SARS1: variants seen among roughly 807,000 people sequenced by gnomAD.
SARS1 encodes the protein serine--tRNA ligase, cytoplasmic.
SARS1 carries 25 observed loss-of-function variants against 63.7 expected under a neutral mutation model. That is an observed-to-expected ratio of 0.39 (90% confidence interval 0.29 to 0.55). The LOEUF is 0.55. Ranked by LOEUF, SARS1 falls within the 20% of genes least tolerant of loss-of-function variation. SARS1 has a pLI of 0.62. For missense variants in SARS1, 417 were observed against 649.7 expected, an observed-to-expected ratio of 0.64 and a Z score of 3.89; for synonymous variants, 231 against 243.5, an observed-to-expected ratio of 0.95 and a Z score of 0.48.
chr1:109,232,392 C>T (rs778779732), intron 6 of SARS1, among the ~76,000 whole-genome samples: 6 of 152,210 alleles, frequency 3.9e-5, no homozygotes, highest in African/African-American at 7.2e-5. Context: ...ATTTCTAGAG[C>T]GTCTCTGCTA....
chr1:109,219,320 A>G (rs1654871502), intron 1 of SARS1, among the ~76,000 whole-genome samples: 1 of 74,940 alleles, frequency 1.3e-5, no homozygotes, highest in South Asian at 5.4e-4. Context: ...TATACACTAT[A>G]TATTTATATA....
At chr1:109,233,932 T>C (rs1655258727) in intron 6 of SARS1, among the ~76,000 whole-genome samples, 1 of 135,570 alleles carries the variant, frequency 7.4e-6, no homozygotes, top group South Asian at 2.5e-4. Flanking sequence ...TGAAGTGGCA[T>C]GATCTCGGCT....
In SARS1 at chr1:109,237,342, G is replaced by T. The variant is rs377309144; in HGVS notation, c.1356G>T (p.Val452=). The part of the protein sequence containing the change: ...ENYQTEKGIT[V]PEKLKEFMPP... ...ACCAGACAGAGAAGGGCATCACTGT[G>T]CCTGAGAAATTGAAGGAGTTCATGC... Residue 452 remains valine (V), a synonymous_variant, in exon 10 of 11, where the codon GTG becomes GTT. Coordinates refer to ENST00000234677, the MANE Select transcript of SARS1 (RefSeq NM_006513.4). This position sits in a 1 kb window ranked among gnomAD's most constrained non-coding sequence, Gnocchi z 4.1. The T allele has an allele frequency of 1.2e-6, 2 of 1,614,226 alleles. No individual in the cohort carries two copies. Among genetic ancestry groups the T allele is most frequent in the Non-Finnish European group, 1.7e-6 (2 of 1,180,040 alleles).
In SARS1 at chr1:109,237,975, A is replaced by G. The variant is rs1007678508; in HGVS notation, c.*87A>G. 6 of 1,465,318 alleles carry G rather than the reference A, an allele frequency of 4.1e-6. No homozygotes were observed. Among genetic ancestry groups the G allele is most frequent in the East Asian group, 4.8e-5 (2 of 41,462 alleles). 90.8% of individuals were successfully genotyped at this position (1,465,318 alleles called of 1,614,324 possible). On this transcript the variant is annotated 3_prime_UTR_variant, in exon 11 of 11. Transcript: ENST00000234677. The surrounding 1 kb of genome is among the most constrained non-coding windows in gnomAD (Gnocchi z 4.1). ...CCAACAGCAGGGAAGCCAAGCACCC[A>G]TTCATCCCCCTGCCCCCATCTGACT...
Position 109,237,409 on chromosome 1 carries a change from T to G in SARS1, c.1387+36T>G. ...CAGCTCATCTCATCGTTCTCCTCTTTTCTGTCTTCACACTCTTCTAAATAG... is the reference window on the plus strand; with the variant it reads ...CAGCTCATCTCATCGTTCTCCTCTTGTCTGTCTTCACACTCTTCTAAATAG... On this transcript the variant is annotated intron_variant, in intron 10 of 10. Transcript: ENST00000234677. This position sits in a 1 kb window ranked among gnomAD's most constrained non-coding sequence, Gnocchi z 4.1. 6.2e-7 allele frequency: 1 copy of G among 1,614,054 alleles called. No homozygotes were observed. The highest frequency in any genetic ancestry group is 8.5e-7 in the Non-Finnish European group (1 of 1,179,968).
In SARS1 at chr1:109,225,256, A is replaced by G. The variant is rs1655040674; in HGVS notation, c.207+1208A>G. ...CATAAAAAGATGACCTCGGGATTCT[A>G]GCACCTTACACTTAACTTCATGGCA... On this transcript the variant is annotated intron_variant, in intron 2 of 10. Transcript: ENST00000234677. Among the ~76,000 whole-genome samples the G allele has an allele frequency of 1.3e-5, 2 of 152,256 alleles. 1 individual carries two copies. Among genetic ancestry groups the G allele is most frequent in the South Asian group, 4.1e-4 (2 of 4,832 alleles).
chr1:109,233,646 A>G (rs539856346), intron 6 of SARS1, among the ~76,000 whole-genome samples: 2 of 151,862 alleles, frequency 1.3e-5, no homozygotes, highest in African/African-American at 2.4e-5. Flanking sequence ...TATAATTGCC[A>G]TGTACATAAA....
rs1204007581 is a variant in SARS1, at chr1:109,217,185, G to A, written c.136+3057G>A. ...ACAGATGCTCCTTGACTTAGGATGG[G>A]TTTATGTCCCAATAAATCCACCATA... is the stretch of plus-strand genomic sequence containing the variant. On this transcript the variant is annotated intron_variant, in intron 1 of 10. Transcript: ENST00000234677. The A allele has an allele frequency of 1.4e-5, 13 of 949,398 alleles. No homozygotes were observed. The East Asian group carries it at 7.0e-4, about 51-fold the overall frequency. The allele number at this position is 949,398 out of a possible 1,614,324, so 58.8% of individuals were successfully genotyped here.
In SARS1 at chr1:109,238,153, C is replaced by G. The variant is rs1278375170; in HGVS notation, c.*265C>G. Reference sequence around the variant, plus strand: ...CTCTTCCTCAGTCTTCTTCCCCGGGCTTGAACCCCGCCTCTGAGGTTCTCC... The same window carrying G: ...CTCTTCCTCAGTCTTCTTCCCCGGGGTTGAACCCCGCCTCTGAGGTTCTCC... On this transcript the variant is annotated 3_prime_UTR_variant, in exon 11 of 11. Coordinates refer to ENST00000234677, the MANE Select transcript of SARS1 (RefSeq NM_006513.4). 2.2e-5 allele frequency: 10 copies of G among 463,462 alleles called. No homozygotes were observed. Among genetic ancestry groups the G allele is most frequent in the African/African-American group, 9.6e-5 (5 of 52,000 alleles). The allele number at this position is 463,462 out of a possible 1,614,324, so 28.7% of individuals were successfully genotyped here. A position where few individuals can be genotyped will look rare whatever the true frequency, so the allele number is the denominator to read the frequency against.
intron 1 of SARS1, among the ~76,000 whole-genome samples, chr1:109,220,732 C>A (rs909423711): frequency 6.6e-6 from 1 of 151,932 alleles, no homozygotes; most frequent in Non-Finnish European, 1.5e-5. Context: ...ATTGACTTTT[C>A]TTCTGTGATT....
Position 109,237,634 on chromosome 1 carries a change from T to C in SARS1, c.1388-97T>C. On this transcript the variant is annotated intron_variant, in intron 10 of 10. Coordinates refer to ENST00000234677, the MANE Select transcript of SARS1 (RefSeq NM_006513.4). This position sits in a 1 kb window ranked among gnomAD's most constrained non-coding sequence, Gnocchi z 4.1. ...GTGCCTATCAAAGGGACCCCTCTGTTCAAAGGGATCATTGTCTTGTTGAAT... is the reference window on the plus strand; with the variant it reads ...GTGCCTATCAAAGGGACCCCTCTGTCCAAAGGGATCATTGTCTTGTTGAAT... 6 of 1,385,392 alleles carry C rather than the reference T, an allele frequency of 4.3e-6. No individual in the cohort carries two copies. The highest frequency in any genetic ancestry group is 6.0e-6 in the Non-Finnish European group (6 of 999,446). 85.8% of individuals were successfully genotyped at this position (1,385,392 alleles called of 1,614,324 possible).
chr1:109,223,923 G>A, intron 1 of SARS1, 55 bp from the exon 2 acceptor site: 1 of 1,286,690 alleles, frequency 7.8e-7, no homozygotes, highest in South Asian at 1.2e-5. Flanking sequence ...CAGGAGAAAG[G>A]AGTATCTTAA....
intron 1 of SARS1, chr1:109,216,215 T>G: frequency 1.0e-6 from 1 of 985,414 alleles, no homozygotes; most frequent in Non-Finnish European, 1.2e-6. Flanking sequence ...GAGCAAGGGC[T>G]TATAACCAGA....
rs773937466 is a variant in SARS1, at chr1:109,221,970, GTATATATATATATATATATATA to G, written c.137-1988_137-1967del. The stretch of plus-strand genomic sequence containing the variant: ...GCTCAGCTAATTTTTTTGTGTGTGT[GTATATATATATATATATATATA>G]TATATATATATATATATATTTTTTT... On this transcript the variant is annotated intron_variant, in intron 1 of 10. Coordinates refer to ENST00000234677, the MANE Select transcript of SARS1 (RefSeq NM_006513.4). Among the ~76,000 whole-genome samples the G allele has an allele frequency of 1.1e-3, 30 of 28,056 alleles. 3 individuals carry two copies. Among genetic ancestry groups the G allele is most frequent in the African/African-American group, 4.2e-3 (29 of 6,912 alleles). The allele number at this position is 28,056 out of a possible 152,430, so 18.4% of individuals were successfully genotyped here.
intron 2 of SARS1, among the ~76,000 whole-genome samples, chr1:109,226,995 C>CTT (rs562155510): frequency 2.4e-4 from 32 of 131,236 alleles, no homozygotes; most frequent in East Asian, 4.3e-4. Context: ...TTCTTTAACT[C>CTT]TTTTTTTTTT....
At chr1:109,215,357 G>A in intron 1 of SARS1, 1 of 985,446 alleles carries the variant, frequency 1.0e-6, no homozygotes, top group Non-Finnish European at 1.2e-6. Context: ...CCCTTAGCCA[G>A]TGCTAAATGA....
At chr1:109,236,721 T>A in intron 9 of SARS1, 173 bp downstream of exon 9, 1 of 1,518,566 alleles carries the variant, frequency 6.6e-7, no homozygotes, top group Non-Finnish European at 8.8e-7. Flanking sequence ...GACTGAGTTC[T>A]TTTAGCTAGA....
intron 5 of SARS1, chr1:109,231,288 G>C (rs1655206256): frequency 3.8e-6 from 1 of 265,288 alleles, no homozygotes; most frequent in African/African-American, 2.2e-5. Flanking sequence ...AATCAGAACA[G>C]TCTCTGCCTT....
intron 1 of SARS1, among the ~76,000 whole-genome samples, chr1:109,218,406 CT>C (rs34756917): frequency 3.9e-4 from 46 of 118,660 alleles, no homozygotes; most frequent in Middle Eastern, 5.4e-3. Context: ...AGATATTTTA[CT>C]TTTTTTTTTT....
Sources: gnomAD v4.1 joint callset for allele counts (sites outside exome capture counted in the v4.1 genomes callset) on GRCh38, gnomAD v4.1.1 for gene constraint, Gnocchi (gnomAD v3.1) non-coding constraint, MANE v1.5 for transcripts, NCBI Gene and HGNC (gene_info 2026-07-23, HGNC 2026-07-21) for gene names.